Variants in ROBO1 observed in about 807,000 individuals in gnomAD.
The protein encoded by ROBO1 is roundabout homolog 1.
ROBO1 carries 149 observed loss-of-function variants against 195.9 expected under a neutral mutation model. The ratio of observed to expected loss-of-function variants is 0.76; its 90% CI spans 0.67 to 0.87. ROBO1 has a LOEUF of 0.87. Among genes scored for constraint, ROBO1 ranks in the 40% least tolerant of loss-of-function variants. The pLI, the probability that ROBO1 is intolerant of heterozygous loss-of-function variation, is 0.00. For missense variants in ROBO1, 1,933 were observed against 2,068.3 expected (o/e 0.93, Z 1.27); for synonymous variants, 816 against 733.2 (o/e 1.11, Z -1.82).
chr3:79,499,345 A>G (rs1939930169), intron 2 of ROBO1, among the ~76,000 whole-genome samples: 1 of 152,242 alleles, frequency 6.6e-6, no homozygotes, highest in African/African-American at 2.4e-5. Context: ...ATCAGAAATT[A>G]TAAAGTAATT....
intron 1 of ROBO1, among the ~76,000 whole-genome samples, chr3:79,599,903 TTTTC>T (rs1222353142): frequency 1.4e-4 from 21 of 152,134 alleles, no homozygotes; most frequent in Admixed American, 1.1e-3. Context: ...ATTTTTTTCT[TTTTC>T]TTTCTTATTT....
At chr3:79,036,326 T>C (rs939308772) in intron 3 of ROBO1, among the ~76,000 whole-genome samples, 11 of 152,152 alleles carry the variant, frequency 7.2e-5, no homozygotes, top group African/African-American at 2.4e-4. Flanking sequence ...AAAAAGCAAG[T>C]GATGTGAATT....
At chr3:79,056,904 G>A (rs2108386711) in intron 3 of ROBO1, among the ~76,000 whole-genome samples, 1 of 152,174 alleles carries the variant, frequency 6.6e-6, no homozygotes, top group Non-Finnish European at 1.5e-5. Flanking sequence ...CATTCTAACT[G>A]GATGAGCTCA....
intron 1 of ROBO1, among the ~76,000 whole-genome samples, chr3:79,596,135 T>C (rs1175299134): frequency 6.6e-6 from 1 of 152,038 alleles, no homozygotes; most frequent in Admixed American, 6.6e-5. Flanking sequence ...TTTAAATCAA[T>C]CTTTGTAATG....
At chr3:79,168,058 G>A (rs889810974) in intron 2 of ROBO1, among the ~76,000 whole-genome samples, 12 of 152,024 alleles carry the variant, frequency 7.9e-5, no homozygotes, top group African/African-American at 2.9e-4. Flanking sequence ...TTGCTATTTT[G>A]GGGAATGTAT....
intron 1 of ROBO1, among the ~76,000 whole-genome samples, chr3:79,619,159 G>T (rs149379456): frequency 0.078 from 4,572 of 58,898 alleles, 108 homozygotes; most frequent in African/African-American, 0.14. Flanking sequence ...GTCACCGCAG[G>T]GATGCCTGCC....
At chr3:79,646,180 A>G (rs1411014562) in intron 1 of ROBO1, among the ~76,000 whole-genome samples, 1 of 152,162 alleles carries the variant, frequency 6.6e-6, no homozygotes, top group Non-Finnish European at 1.5e-5. Flanking sequence ...TAATAACCAG[A>G]ATACAAAAAG....
chr3:79,685,913 C>A (rs764073058), intron 1 of ROBO1, among the ~76,000 whole-genome samples: 7 of 151,948 alleles, frequency 4.6e-5, no homozygotes, highest in Admixed American at 1.3e-4. Flanking sequence ...GCAGAGACAA[C>A]AACAAAAAAA....
chr3:79,163,900 G>A (rs756538601), intron 2 of ROBO1, among the ~76,000 whole-genome samples: 4 of 152,114 alleles, frequency 2.6e-5, no homozygotes, highest in Non-Finnish European at 5.9e-5. Context: ...TAGGAATATT[G>A]AAGGTGCGAT....
chr3:78,840,591 A>G (rs2033112012), intron 4 of ROBO1, among the ~76,000 whole-genome samples: 1 of 152,192 alleles, frequency 6.6e-6, no homozygotes, highest in African/African-American at 2.4e-5. Context: ...GTGCAAGGTT[A>G]CACGGCTAAT....
intron 4 of ROBO1, among the ~76,000 whole-genome samples, chr3:78,878,583 CAAAA>C (rs35108863): frequency 4.3e-5 from 2 of 46,348 alleles, no homozygotes; most frequent in Non-Finnish European, 8.3e-5. Context: ...AACCCCATCT[CAAAA>C]AAAAAAAAAA....
intron 1 of ROBO1, among the ~76,000 whole-genome samples, chr3:79,719,887 T>C (rs570322700): frequency 6.6e-6 from 1 of 152,186 alleles, no homozygotes; most frequent in East Asian, 1.9e-4. Flanking sequence ...TGCTATTAAA[T>C]CATATTTCTG....
chr3:79,318,602 C>T (rs1348272915), intron 2 of ROBO1, among the ~76,000 whole-genome samples: 2 of 152,098 alleles, frequency 1.3e-5, no homozygotes, highest in East Asian at 1.9e-4. Context: ...ATCACAAATC[C>T]CACAATAGTA....
chr3:79,212,756 G>A (rs949245909), intron 2 of ROBO1, among the ~76,000 whole-genome samples: 6 of 151,656 alleles, frequency 4.0e-5, no homozygotes, highest in African/African-American at 1.5e-4. Context: ...AGAGGCAGAG[G>A]CTGCAATGAC....
chr3:79,208,687 ATGTGTGTGTGTG>A (rs59970776), intron 2 of ROBO1, among the ~76,000 whole-genome samples: 50 of 145,308 alleles, frequency 3.4e-4, no homozygotes, highest in African/African-American at 1.2e-3. Context: ...GTGGTGGGGC[ATGTGTGTGTGTG>A]TGTGTGTGTG....
At chr3:79,473,885 T>C (rs1938412299) in intron 2 of ROBO1, among the ~76,000 whole-genome samples, 1 of 152,138 alleles carries the variant, frequency 6.6e-6, no homozygotes, top group African/African-American at 2.4e-5. Flanking sequence ...ATGCATTTCA[T>C]ACCGAATACC....
chr3:78,935,600 A>C (rs2039761675), intron 4 of ROBO1, among the ~76,000 whole-genome samples: 1 of 152,026 alleles, frequency 6.6e-6, no homozygotes, highest in Non-Finnish European at 1.5e-5. Context: ...TTTTAAATAG[A>C]GCTGATCCAA....
At chr3:78,973,005 G>T (rs1329620262) in intron 3 of ROBO1, among the ~76,000 whole-genome samples, 1 of 152,134 alleles carries the variant, frequency 6.6e-6, no homozygotes, top group Non-Finnish European at 1.5e-5. Flanking sequence ...AAGAAGCAGA[G>T]AAAAGAGAAC....
At chr3:79,234,398 A>G (rs958117170) in intron 2 of ROBO1, among the ~76,000 whole-genome samples, 4 of 152,126 alleles carry the variant, frequency 2.6e-5, no homozygotes, top group Non-Finnish European at 4.4e-5. Context: ...TTCATTCTGC[A>G]TATAGCCAGC....
Sources: gnomAD v4.1 joint callset for allele counts (sites outside exome capture counted in the v4.1 genomes callset) on GRCh38, gnomAD v4.1.1 for gene constraint, MANE v1.5 for transcripts, NCBI Gene and HGNC (gene_info 2026-07-23, HGNC 2026-07-21) for gene names.